The following ANO4 variants were observed in gnomAD, a reference collection of about 807,000 sequenced individuals.
ANO4 encodes anoctamin 4, also known as anoctamin-4.
In ANO4, 69 loss-of-function variants were observed where a neutral mutation model predicts 141.9. The ratio of observed to expected loss-of-function variants is 0.49; its 90% CI spans 0.40 to 0.59. The LOEUF (loss-of-function observed/expected upper bound fraction) is 0.59, where lower values mean the gene tolerates loss of function less well. Ranked by LOEUF, ANO4 falls within the 20% of genes least tolerant of loss-of-function variation. The pLI is 0.00. For synonymous variants in ANO4, 350 were observed against 394.3 expected, an observed-to-expected ratio of 0.89 and a Z score of 1.33; for missense variants, 894 against 1,162.2, an observed-to-expected ratio of 0.77 and a Z score of 3.36.
chr12:101,024,884 T>C (rs2136517235), intron 9 of ANO4, among the ~76,000 whole-genome samples: 1 of 152,308 alleles, frequency 6.6e-6, no homozygotes, highest in African/African-American at 2.4e-5. Context: ...GTTACTATGA[T>C]TAAAAGCATC....
chr12:100,788,061 A>G (rs1290838369), intron 3 of ANO4, among the ~76,000 whole-genome samples: 1 of 152,202 alleles, frequency 6.6e-6, no homozygotes, highest in Non-Finnish European at 1.5e-5. Flanking sequence ...CCTGATTGCC[A>G]TGGTTATTTA....
At chr12:101,014,693 G>A (rs1402991736) in intron 8 of ANO4, among the ~76,000 whole-genome samples, 1 of 152,190 alleles carries the variant, frequency 6.6e-6, no homozygotes, top group African/African-American at 2.4e-5. Flanking sequence ...ATAAGGAGAT[G>A]TGTGGATATA....
At chr12:101,079,379 TACTCATAAAGCATTTTCA>T in intron 15 of ANO4, 104 bp downstream of exon 15, 1 of 947,736 alleles carries the variant, frequency 1.1e-6, no homozygotes, top group South Asian at 1.5e-5. Flanking sequence ...AAGTCAGGTG[TACTCATAAAGCATTTTCA>T]ATTGCCTTTT....
chr12:100,893,076 C>T lies in ANO4; in HGVS notation c.-140-8570C>T, dbSNP rs183980119. Among the ~76,000 whole-genome samples the T allele has an allele frequency of 3.9e-4, 59 of 152,154 alleles. No homozygotes were observed. In the East Asian group the frequency reaches 8.1e-3, roughly 21 times the overall value. On this transcript the variant is annotated intron_variant, in intron 1 of 27. Coordinates refer to ENST00000392977, the MANE Select transcript of ANO4 (RefSeq NM_001286615.2). The stretch of plus-strand genomic sequence containing the variant: ...GGTGTAGTTATGTACCAGGTGCTAA[C>T]AGAGTGCAGGGGAGGGACATGTGAG...
In ANO4 at chr12:101,110,692, A is replaced by G. The variant is rs1238848602; in HGVS notation, c.2302+136A>G. 3 of 754,920 alleles carry G rather than the reference A, an allele frequency of 4.0e-6. No individual in the cohort carries two copies. In the African/African-American group the frequency reaches 5.5e-5, roughly 14 times the overall value. 46.8% of individuals were successfully genotyped at this position (754,920 alleles called of 1,614,324 possible). A position where few individuals can be genotyped will look rare whatever the true frequency, so the allele number is the denominator to read the frequency against. ...CACCTAATTTTTGCAAAGAATAATTATATTAGTTTTAAATAATATTAGACA... is the reference window on the plus strand; with the variant it reads ...CACCTAATTTTTGCAAAGAATAATTGTATTAGTTTTAAATAATATTAGACA... On this transcript the variant is annotated intron_variant, in intron 23 of 27. Transcript: ENST00000392977.
At chr12:101,112,816 G>A (rs1274261845) in intron 24 of ANO4, among the ~76,000 whole-genome samples, 1 of 152,212 alleles carries the variant, frequency 6.6e-6, no homozygotes, top group East Asian at 1.9e-4. Flanking sequence ...AAAGGCTTCT[G>A]TAAAGTTCTT....
Position 101,056,497 on chromosome 12 carries a change from T to C in ANO4, c.1312+8096T>C, listed in dbSNP as rs553371732. On this transcript the variant is annotated intron_variant, in intron 14 of 27. Transcript: ENST00000392977. ...TTAGTGCTTCTAGCTTTTTTATAGA[T>C]TCCTTAATATTTTCAACATAGATGA... is the stretch of plus-strand genomic sequence containing the variant. Among the ~76,000 whole-genome samples the C allele has an allele frequency of 2.0e-5, 3 of 152,276 alleles. No individual in the cohort carries two copies. In the East Asian group the frequency reaches 5.8e-4, roughly 29 times the overall value.
intron 14 of ANO4, among the ~76,000 whole-genome samples, chr12:101,063,745 CTTTTTTTTTTTTTTTTTTT>C: frequency 0.027 from 680 of 24,838 alleles, 25 homozygotes; most frequent in African/African-American, 0.048. Flanking sequence ...TCCAGGTTAT[CTTTTTTTTTTTTTTTTTTT>C]TTTTTTTTTT....
rs2050862320 is a variant in ANO4, at chr12:101,116,587, T to C, written c.2451-92T>C. The C allele has an allele frequency of 3.2e-6, 5 of 1,574,580 alleles. No homozygotes were observed. In the African/African-American group the frequency reaches 5.4e-5, roughly 17 times the overall value. The stretch of plus-strand genomic sequence containing the variant: ...AAGGGCCAGTTAAAGGCATTTACAA[T>C]TGCAGTGACGTCTGGGAAGCAGGGT... On this transcript the variant is annotated intron_variant, in intron 24 of 27. Coordinates refer to ENST00000392977, the MANE Select transcript of ANO4 (RefSeq NM_001286615.2).
intron 9 of ANO4, among the ~76,000 whole-genome samples, chr12:101,020,551 G>A (rs1593035682): frequency 6.6e-6 from 1 of 152,232 alleles, no homozygotes; most frequent in South Asian, 2.1e-4. Flanking sequence ...GTGGGAGTGA[G>A]TTCAAGCTGA....
At chr12:101,108,983 G>C (rs1049215695) in intron 22 of ANO4, among the ~76,000 whole-genome samples, 2 of 152,090 alleles carry the variant, frequency 1.3e-5, no homozygotes. Flanking sequence ...ATCCAGCATT[G>C]CATTTAGATA....
At chr12:100,749,542 C>T (rs555527015) in intron 3 of ANO4, among the ~76,000 whole-genome samples, 9 of 152,320 alleles carry the variant, frequency 5.9e-5, no homozygotes, top group Admixed American at 5.2e-4. Flanking sequence ...CCTGTTCATT[C>T]TTCCTCCATG....
chr12:100,994,358 C>G (rs2045274627), intron 8 of ANO4, among the ~76,000 whole-genome samples: 1 of 152,170 alleles, frequency 6.6e-6, no homozygotes, highest in African/African-American at 2.4e-5. Flanking sequence ...TATCATTGCC[C>G]TTCATTCTTA....
At chr12:100,777,816 T>C (rs1489750772) in intron 3 of ANO4, among the ~76,000 whole-genome samples, 1 of 152,314 alleles carries the variant, frequency 6.6e-6, no homozygotes, top group East Asian at 1.9e-4. Context: ...TGTCTTAATA[T>C]TCACTTTGTT....
chr12:100,786,627 A>C (rs2033882343), intron 3 of ANO4, among the ~76,000 whole-genome samples: 1 of 151,976 alleles, frequency 6.6e-6, no homozygotes, highest in Non-Finnish European at 1.5e-5. Flanking sequence ...ATCAATACCT[A>C]TTTCTCTGCC....
At chr12:101,035,948 C>T (rs2047174258) in intron 9 of ANO4, among the ~76,000 whole-genome samples, 1 of 152,140 alleles carries the variant, frequency 6.6e-6, no homozygotes, top group African/African-American at 2.4e-5. Context: ...AATCCCCCAA[C>T]ACACAATTTA....
intron 1 of ANO4, among the ~76,000 whole-genome samples, chr12:100,858,848 C>T (rs920159919): frequency 6.6e-6 from 1 of 152,110 alleles, no homozygotes. Context: ...TTTCTAATTA[C>T]TCCCAACAGG....
chr12:100,795,627 C>A (rs1290102436), intron 1 of ANO4, among the ~76,000 whole-genome samples: 1 of 152,166 alleles, frequency 6.6e-6, no homozygotes, highest in Non-Finnish European at 1.5e-5. Flanking sequence ...ACTGCATGAC[C>A]TCATTGCTTC....
At chr12:101,098,357 A>C (rs563948256) in intron 21 of ANO4, among the ~76,000 whole-genome samples, 2 of 152,342 alleles carry the variant, frequency 1.3e-5, no homozygotes, top group Admixed American at 6.5e-5. Context: ...ACCTTGCATC[A>C]ACTTGGTAAG....
Sources: allele counts gnomAD v4.1 joint callset (sites outside exome capture counted in the v4.1 genomes callset), GRCh38; gene constraint gnomAD v4.1.1; transcripts MANE v1.5; gene names NCBI Gene and HGNC (gene_info 2026-07-23, HGNC 2026-07-21).